The following PHACTR4 variants were observed in gnomAD, a reference collection of about 807,000 sequenced individuals.
PHACTR4 encodes protein phosphatase 1, regulatory subunit 124.
A neutral mutation model predicts 72.7 loss-of-function variants in PHACTR4; 51 were observed. The observed-to-expected ratio is 0.70, with a 90% confidence interval of 0.56 to 0.89. PHACTR4 has a LOEUF of 0.89. Ranked by LOEUF, PHACTR4 falls within the 40% of genes least tolerant of loss-of-function variation. PHACTR4 has a pLI of 0.00. For synonymous variants in PHACTR4, 255 were observed against 302.5 expected (o/e 0.84, Z 1.63); for missense variants, 731 against 861.8 (o/e 0.85, Z 1.90).
rs555151198 is a variant in PHACTR4, at chr1:28,445,218, G to T, written c.17-13867G>T. Among the ~76,000 whole-genome samples the T allele has an allele frequency of 2.6e-5, 4 of 152,226 alleles. No homozygotes were observed. In the South Asian group the frequency reaches 8.3e-4, roughly 32 times the overall value. On this transcript the variant is annotated intron_variant, in intron 2 of 13. Transcript: ENST00000373839. ...TCCACCTGCCTCAGCCCCCCAAAGT[G>T]CTGGGATTACAGGCGTGAGCCACCT...
At chr1:28,442,767 A>G (rs2124415593) in intron 2 of PHACTR4, among the ~76,000 whole-genome samples, 1 of 152,126 alleles carries the variant, frequency 6.6e-6, no homozygotes, top group South Asian at 2.1e-4. Context: ...TGGCTTCCCA[A>G]AGTGCTGGGA....
intron 2 of PHACTR4, among the ~76,000 whole-genome samples, chr1:28,433,445 CTTTT>C (rs1335602574): frequency 2.1e-5 from 3 of 145,896 alleles, no homozygotes; most frequent in Non-Finnish European, 4.5e-5. Context: ...TTCTTTCTTT[CTTTT>C]TTTTCTTTTT....
rs551672124 is a variant in PHACTR4 at position 28,400,245 on chromosome 1, C to T, written c.-38-7165C>T. On this transcript the variant is annotated intron_variant, in intron 1 of 13. Coordinates refer to ENST00000373839, the MANE Select transcript of PHACTR4 (RefSeq NM_001048183.3). Reference sequence around the variant, plus strand: ...AAAATTAGCCGGGCGTCTTGGCGCACGCCTGTAATCCCAGCTACTTGGGAG... The same window carrying T: ...AAAATTAGCCGGGCGTCTTGGCGCATGCCTGTAATCCCAGCTACTTGGGAG... 3.9e-5 allele frequency among the ~76,000 whole-genome samples: 6 copies of T among 151,968 alleles called. No homozygotes were observed. The East Asian group carries it at 5.9e-4, about 15-fold the overall frequency.
rs896250362 is a variant in PHACTR4, at chr1:28,390,121, A to G, written c.-38-17289A>G. ...TAAGTGAAGTCAGCCAGGCACAGAA[A>G]GACAAATGCTGCATGCTCTTATTTT... On this transcript the variant is annotated intron_variant, in intron 1 of 13. Transcript: ENST00000373839. 5.3e-4 allele frequency among the ~76,000 whole-genome samples: 81 copies of G among 152,200 alleles called. 1 individual carries two copies. Among genetic ancestry groups the G allele is most frequent in the African/African-American group, 1.8e-3 (73 of 41,456 alleles).
chr1:28,377,092 G>A (rs1651739641), intron 1 of PHACTR4, among the ~76,000 whole-genome samples: 1 of 151,818 alleles, frequency 6.6e-6, no homozygotes, highest in Non-Finnish European at 1.5e-5. Context: ...ACCATGCCCG[G>A]CTAAATTTTG....
At chr1:28,442,112 A>G (rs763164154) in intron 2 of PHACTR4, among the ~76,000 whole-genome samples, 1 of 152,160 alleles carries the variant, frequency 6.6e-6, no homozygotes, top group Non-Finnish European at 1.5e-5. Flanking sequence ...GCTAATTATC[A>G]CATATCCTTA....
At chr1:28,408,222 A>G (rs866195832) in intron 2 of PHACTR4, among the ~76,000 whole-genome samples, 5 of 152,344 alleles carry the variant, frequency 3.3e-5, no homozygotes, top group Middle Eastern at 6.8e-3. Context: ...TTCAGAAACA[A>G]TGTGTGCTTT....
intron 1 of PHACTR4, among the ~76,000 whole-genome samples, chr1:28,371,237 C>G (rs766133119): frequency 6.6e-6 from 1 of 152,176 alleles, no homozygotes. Context: ...CAGAGGCTCC[C>G]AGATGCCTGG....
chr1:28,439,962 G>A (rs187513680), intron 2 of PHACTR4, among the ~76,000 whole-genome samples: 46 of 152,184 alleles, frequency 3.0e-4, no homozygotes, highest in Admixed American at 1.6e-3. Flanking sequence ...GGTGAGTGGT[G>A]GTATTTAAGA....
In PHACTR4 at chr1:28,489,667, C is replaced by T; in HGVS notation, c.1816+442C>T. On this transcript the variant is annotated intron_variant, in intron 10 of 13. Coordinates refer to ENST00000373839, the MANE Select transcript of PHACTR4 (RefSeq NM_001048183.3). ...GTTTAATCCCTTAAGACTTTCTTAC[C>T]TCTGTAGTTACCAAATGGGACCATA... 13 of 432,124 alleles carry T rather than the reference C, an allele frequency of 3.0e-5. 1 individual carries two copies. Among genetic ancestry groups the T allele is most frequent in the South Asian group, 2.2e-4 (13 of 58,416 alleles). 26.8% of individuals were successfully genotyped at this position (432,124 alleles called of 1,614,324 possible).
chr1:28,428,547 T>A (rs78295013), intron 2 of PHACTR4, among the ~76,000 whole-genome samples: 1,589 of 152,330 alleles, frequency 0.01, 24 homozygotes, highest in African/African-American at 0.036. Context: ...GCCATCCTGC[T>A]GGCATAATTT....
chr1:28,407,423 C>T lies in PHACTR4; in HGVS notation c.-25C>T. ...TTCTCTTTTTAGAAACAGTATCTCA[C>T]CTCCCTAAACTGGTTAATAGTGGCA... On this transcript the variant is annotated 5_prime_UTR_variant, in exon 2 of 14. Coordinates refer to ENST00000373839, the MANE Select transcript of PHACTR4 (RefSeq NM_001048183.3). 4 of 1,594,930 alleles carry T rather than the reference C, an allele frequency of 2.5e-6. No homozygotes were observed. Among genetic ancestry groups the T allele is most frequent in the Non-Finnish European group, 3.4e-6 (4 of 1,165,298 alleles).
rs1173702004 is a variant in PHACTR4 at position 28,442,332 on chromosome 1, C to T, written c.17-16753C>T. Among the ~76,000 whole-genome samples the T allele has an allele frequency of 6.0e-5, 9 of 151,240 alleles. 1 individual carries two copies. Among genetic ancestry groups the T allele is most frequent in the African/African-American group, 1.7e-4 (7 of 41,196 alleles). Reference sequence around the variant, plus strand: ...TACAAAAATTAGCTGAGCATGGTGGCGCGTGCCTGTAGTCCCAGCTACTCA... The same window carrying T: ...TACAAAAATTAGCTGAGCATGGTGGTGCGTGCCTGTAGTCCCAGCTACTCA... On this transcript the variant is annotated intron_variant, in intron 2 of 13. Coordinates refer to ENST00000373839, the MANE Select transcript of PHACTR4 (RefSeq NM_001048183.3).
chr1:28,375,640 T>G (rs1020279040), intron 1 of PHACTR4, among the ~76,000 whole-genome samples: 2 of 152,152 alleles, frequency 1.3e-5, no homozygotes, highest in Admixed American at 6.6e-5. Context: ...GAGCTATGAT[T>G]GTGCCACCAC....
In PHACTR4 at chr1:28,483,734, G is replaced by A. The variant is rs182682795; in HGVS notation, c.1760+3130G>A. ...GAATGGCATGAACCTGGGAGGTGGA[G>A]CTTGCAGTGAGCTGACATCGTGCCA... On this transcript the variant is annotated intron_variant, in intron 9 of 13. Transcript: ENST00000373839. Among the ~76,000 whole-genome samples the A allele has an allele frequency of 2.7e-3, 401 of 147,150 alleles. 2 individuals are homozygous for A. Among genetic ancestry groups the A allele is most frequent in the African/African-American group, 9.2e-3 (360 of 39,286 alleles).
rs567272219 is a variant in PHACTR4, at chr1:28,407,109, T to G, written c.-38-301T>G. On this transcript the variant is annotated intron_variant, in intron 1 of 13. Transcript: ENST00000373839. The stretch of plus-strand genomic sequence containing the variant: ...TTTTATGATAATCTAGTATTGTACA[T>G]CTGTATCTCAATTCCCCTAAAATAA... 6.5e-4 allele frequency among the ~76,000 whole-genome samples: 99 copies of G among 152,264 alleles called. No homozygotes were observed. Among genetic ancestry groups the G allele is most frequent in the Middle Eastern group, 3.4e-3 (1 of 294 alleles).
chr1:28,462,651 C>CGGTG (rs79149804), intron 4 of PHACTR4, among the ~76,000 whole-genome samples: 42,623 of 151,848 alleles, frequency 0.28, 6,106 homozygotes, highest in Middle Eastern at 0.34. Context: ...TAGGCATGAG[C>CGGTG]CACCACGCCT....
intron 1 of PHACTR4, among the ~76,000 whole-genome samples, chr1:28,405,135 T>C (rs1213671089): frequency 6.6e-6 from 1 of 152,218 alleles, no homozygotes; most frequent in Non-Finnish European, 1.5e-5. Context: ...ATATCTTCTC[T>C]TAGGAAATGT....
intron 1 of PHACTR4, among the ~76,000 whole-genome samples, chr1:28,403,113 G>A (rs1300338092): frequency 1.3e-5 from 2 of 152,316 alleles, no homozygotes; most frequent in African/African-American, 4.8e-5. Context: ...ACTGTCCTAG[G>A]TTGGGTTATC....
Sources: allele counts gnomAD v4.1 joint callset (sites outside exome capture counted in the v4.1 genomes callset), GRCh38; gene constraint gnomAD v4.1.1; transcripts MANE v1.5; gene names NCBI Gene and HGNC (gene_info 2026-07-23, HGNC 2026-07-21).